The following STRA6 variants were observed in gnomAD, a reference collection of about 807,000 sequenced individuals.
STRA6 encodes signaling receptor and transporter of retinol STRA6.
In STRA6, 48 loss-of-function variants were observed where a neutral mutation model predicts 83.6. That is an observed-to-expected ratio of 0.57 (90% confidence interval 0.46 to 0.73). The LOEUF (loss-of-function observed/expected upper bound fraction) is 0.73, where lower values mean the gene tolerates loss of function less well. Ranked by LOEUF, STRA6 falls within the 30% of genes least tolerant of loss-of-function variation. The pLI is 0.00. For synonymous variants in STRA6, 353 were observed against 362.3 expected (o/e 0.97, Z 0.29); for missense variants, 760 against 838.8 (o/e 0.91, Z 1.16).
chr15:74,189,595 A>G (rs757612594), intron 11 of STRA6, among the ~76,000 whole-genome samples: 1 of 152,230 alleles, frequency 6.6e-6, no homozygotes, highest in Non-Finnish European at 1.5e-5. Context: ...TTTGGGGAAA[A>G]ACCCTCAATA....
intron 2 of STRA6, among the ~76,000 whole-genome samples, chr15:74,200,946 G>C (rs941252901): frequency 1.3e-5 from 2 of 152,200 alleles, no homozygotes; most frequent in Non-Finnish European, 2.9e-5. Context: ...CTTCAGATTA[G>C]AGCCTTCACC....
intron 7 of STRA6, chr15:74,194,765 G>GTAGATCTCGGTGGTCGCCGTATCATTAA: frequency 7.9e-7 from 1 of 1,268,246 alleles, no homozygotes; most frequent in East Asian, 2.9e-5. Context: ...ATGAAGTGGT[G>GTAGATCTCGGTGGTCGCCGTATCATTAA]AAGCTGGATT....
chr15:74,209,117 G>C, upstream of STRA6: 2 of 1,320,840 alleles, frequency 1.5e-6, no homozygotes, highest in South Asian at 2.0e-5. Flanking sequence ...TTGATTCCGG[G>C]ATCAGAGGAA....
intron 11 of STRA6, among the ~76,000 whole-genome samples, chr15:74,190,059 C>T (rs2073455050): frequency 2.0e-5 from 3 of 152,174 alleles, no homozygotes; most frequent in South Asian, 2.1e-4. Flanking sequence ...TATGCAAATA[C>T]TACACCATCG....
At position 74,197,360 on chromosome 15, in the gene STRA6, G is replaced by A. The variant is rs772134481; in HGVS notation, c.244C>T (p.Arg82Cys). The change falls in exon 4 of 19, where the codon CGT becomes TGT. Residue 82 changes from arginine (R) to cysteine (C), a missense_variant. Physicochemically the swap from Arg to Cys is radical, Grantham distance 180. Transcript: ENST00000395105. ...RRRQLWPDCV[R>C]GRPGLPSPVD... Reference sequence around the variant, plus strand: ...AACCTGGGCAGGCCGGGCCTGCCACGCACACAGTCAGGCCAGAGCTGGCGG... The same window carrying A: ...AACCTGGGCAGGCCGGGCCTGCCACACACACAGTCAGGCCAGAGCTGGCGG... 1.0e-4 allele frequency: 157 copies of A among 1,550,132 alleles called. No homozygotes were observed. The highest frequency in any genetic ancestry group is 1.4e-4 in the Non-Finnish European group (155 of 1,146,794).
At position 74,182,244 on chromosome 15, in the gene STRA6, C is replaced by G. The variant is rs762690118; in HGVS notation, c.1437G>C (p.Leu479Phe). 1 of 1,614,144 alleles carries G rather than the reference C, an allele frequency of 6.2e-7. No individual in the cohort carries two copies. The highest frequency in any genetic ancestry group is 1.1e-5 in the South Asian group (1 of 91,082). Residue 479 changes from leucine to phenylalanine, a missense_variant, in exon 16 of 19, where the codon TTG becomes TTC. Physicochemically the swap from Leu to Phe is conservative, Grantham distance 22. Coordinates refer to ENST00000395105, the MANE Select transcript of STRA6 (RefSeq NM_022369.4). ...LESSWPFWLT[L>F]ALAVILQNMA... is the part of the protein sequence containing the mutation. The stretch of plus-strand genomic sequence containing the variant: ...TGTTCTGCAGGATCACAGCCAGGGC[C>G]AAAGTCAGCCAGAAGGGCCTGCCAG...
At chr15:74,201,570 C>T (rs2074066278) in intron 2 of STRA6, among the ~76,000 whole-genome samples, 1 of 152,164 alleles carries the variant, frequency 6.6e-6, no homozygotes, top group Non-Finnish European at 1.5e-5. Flanking sequence ...CTCCCACCCT[C>T]ACCTGGGCTG....
At chr15:74,196,200 C>T (rs1436981156) in intron 4 of STRA6, 53 bp from the exon 5 acceptor site, 14 of 1,604,698 alleles carry the variant, frequency 8.7e-6, no homozygotes, top group Non-Finnish European at 1.1e-5. Flanking sequence ...CCCTGCACCC[C>T]CATTACCTCC....
intron 5 of STRA6, 27 bp downstream of exon 5, chr15:74,195,980 AC>A: frequency 6.2e-7 from 1 of 1,613,084 alleles, no homozygotes; most frequent in East Asian, 2.2e-5. Flanking sequence ...CATCACACCA[AC>A]CCCAGGGCCT....
intron 4 of STRA6, 59 bp downstream of exon 4, chr15:74,197,279 C>T (rs2073860667): frequency 7.7e-7 from 1 of 1,296,790 alleles, no homozygotes; most frequent in Admixed American, 2.0e-5. Context: ...ACCCACCCTC[C>T]CAGAGGGACC....
At chr15:74,208,828 C>CTTT in exon 1 of STRA6, 1 of 989,096 alleles carries the variant, frequency 1.0e-6, no homozygotes, top group Non-Finnish European at 1.2e-6. Flanking sequence ...CTGACCTCTC[C>CTTT]CTTCCTTGTC....
chr15:74,195,104 C>G (rs1482638522), intron 7 of STRA6, 198 bp downstream of exon 7: 1 of 1,477,028 alleles, frequency 6.8e-7, no homozygotes, highest in Non-Finnish European at 9.0e-7. Context: ...GAGGGCTGGG[C>G]CCAGCCACCT....
rs139279414 is a variant in STRA6 at position 74,180,202 on chromosome 15, C to T, written c.1882G>A (p.Ala628Thr). The T allele has an allele frequency of 1.9e-6, 3 of 1,614,000 alleles. No homozygotes were observed. Among genetic ancestry groups the T allele is most frequent in the African/African-American group, 1.3e-5 (1 of 74,946 alleles). The change falls in exon 19 of 19, where the codon GCT becomes ACT. Residue 628 changes from alanine (A) to threonine (T), a missense_variant. By Grantham distance (58) the Ala-to-Thr change is moderately conservative (BLOSUM62 0). Transcript: ENST00000395105. ...CTGCCGCGGCTGGCCCCGGGCCTAG[C>T]TCCCTTGGCCATGGAGTCCTTTGTC... ...LQTKDSMAKG[A>T]RPGASRGRAR...
In STRA6 at chr15:74,197,387, G is replaced by T. The variant is rs200203042; in HGVS notation, c.217C>A (p.Arg73Ser). 6.4e-7 allele frequency: 1 copy of T among 1,550,506 alleles called. No individual in the cohort carries two copies. Among genetic ancestry groups the T allele is most frequent in the African/African-American group, 1.4e-5 (1 of 73,130 alleles). Residue 73 changes from arginine to serine, a missense_variant, in exon 4 of 19, where the codon CGC (arginine) becomes AGC (serine). Coordinates refer to ENST00000395105, the MANE Select transcript of STRA6 (RefSeq NM_022369.4). The stretch of plus-strand genomic sequence containing the variant: ...ACACAGTCAGGCCAGAGCTGGCGGC[G>T]CCTCACCAGCATGGCCAGGAGCAGC... ...VLLLLAMLVR[R>S]RQLWPDCVRG...
chr15:74,195,838 A>G (rs996338731), intron 5 of STRA6, among the ~76,000 whole-genome samples, 163 bp from the exon 6 acceptor site: 9 of 152,182 alleles, frequency 5.9e-5, no homozygotes, highest in African/African-American at 2.2e-4. Context: ...ACTTTGTAGC[A>G]TCGTTGTAAA....
In STRA6 at chr15:74,180,892, G is replaced by A. The variant is rs1567176671; in HGVS notation, c.1730C>T (p.Ser577Leu). The change falls in exon 18 of 19, where the codon TCG becomes TTG. Residue 577 changes from serine (S) to leucine (L), a missense_variant. Ser to Leu is a moderately radical substitution (Grantham distance 145, BLOSUM62 -2). Transcript: ENST00000395105. ...RNFLKIEVSQSHPAMTAFCSL... is the reference protein window; with the variant it reads ...RNFLKIEVSQLHPAMTAFCSL... Reference sequence around the variant, plus strand: ...GCAGAAGGCTGTCATGGCTGGATGCGACTGGCTGACTTCAATCTTCAAGAA... The same window carrying A: ...GCAGAAGGCTGTCATGGCTGGATGCAACTGGCTGACTTCAATCTTCAAGAA... The A allele has an allele frequency of 9.9e-6, 16 of 1,613,932 alleles. No homozygotes were observed. In the Middle Eastern group the frequency reaches 4.9e-4, roughly 50 times the overall value.
intron 10 of STRA6, 121 bp from the exon 11 acceptor site, chr15:74,191,022 G>A: frequency 6.4e-7 from 1 of 1,570,634 alleles, no homozygotes; most frequent in South Asian, 1.2e-5. Context: ...GCCAGGCCAG[G>A]GTCTTCCCGC....
chr15:74,183,684 G>A, intron 14 of STRA6, 172 bp downstream of exon 14: 1 of 1,555,086 alleles, frequency 6.4e-7, no homozygotes, highest in Non-Finnish European at 8.6e-7. Flanking sequence ...TCCTGAATAA[G>A]CTTCTTAAGG....
Position 74,179,870 on chromosome 15 carries a change from C to A in STRA6, c.*210G>T. On this transcript the variant is annotated 3_prime_UTR_variant, in exon 19 of 19. Transcript: ENST00000395105. ...AACCCACCAGTTTCTTTCTCCAGAA[C>A]CCCTGCTGGCTCTCCCATAGCCAAG... The A allele has an allele frequency of 1.6e-6, 1 of 632,098 alleles. No homozygotes were observed. The highest frequency in any genetic ancestry group is 2.8e-5 in the East Asian group (1 of 35,202). 39.2% of individuals were successfully genotyped at this position (632,098 alleles called of 1,614,324 possible). A position where few individuals can be genotyped will look rare whatever the true frequency, so the allele number is the denominator to read the frequency against.
Sources: gnomAD v4.1 joint callset for allele counts (sites outside exome capture counted in the v4.1 genomes callset) on GRCh38, gnomAD v4.1.1 for gene constraint, MANE v1.5 for transcripts, NCBI Gene and HGNC (gene_info 2026-07-23, HGNC 2026-07-21) for gene names.